Variants in DENND5B observed in about 807,000 individuals in gnomAD.
DENND5B encodes DENN domain-containing protein 5B.
Under a neutral mutation model 140.6 loss-of-function variants are expected in DENND5B, and 34 were observed. The ratio of observed to expected loss-of-function variants is 0.24; its 90% CI spans 0.18 to 0.32. DENND5B has a LOEUF of 0.32. Among genes scored for constraint, DENND5B ranks in the 10% least tolerant of loss-of-function variants. The pLI, the probability that DENND5B is intolerant of heterozygous loss-of-function variation, is 1.00. For missense variants in DENND5B, 1,142 were observed against 1,560.2 expected (o/e 0.73, Z 4.52); for synonymous variants, 551 against 562.1 (o/e 0.98, Z 0.28).
chr12:31,584,808 CAG>C (rs1329629979), intron 1 of DENND5B, among the ~76,000 whole-genome samples: 1 of 151,964 alleles, frequency 6.6e-6, no homozygotes, highest in Admixed American at 6.6e-5. Context: ...GCCTGGGTAA[CAG>C]AGACTCTGTC....
At chr12:31,511,762 A>C (rs1020067209) in intron 1 of DENND5B, among the ~76,000 whole-genome samples, 1 of 152,106 alleles carries the variant, frequency 6.6e-6, no homozygotes, top group Non-Finnish European at 1.5e-5. Flanking sequence ...AAATGGATAG[A>C]TGAATAAAAA....
intron 1 of DENND5B, among the ~76,000 whole-genome samples, chr12:31,577,364 A>G (rs1349905470): frequency 6.6e-6 from 1 of 152,190 alleles, no homozygotes; most frequent in Non-Finnish European, 1.5e-5. Context: ...TTTCATCAGA[A>G]GGTCTCTGGG....
chr12:31,493,587 GGGAGGCTGAA>G (rs1257106111), intron 2 of DENND5B, among the ~76,000 whole-genome samples: 1 of 152,040 alleles, frequency 6.6e-6, no homozygotes. Flanking sequence ...CCAGCATTCT[GGGAGGCTGAA>G]GGAGGGCAGA....
Position 31,448,387 on chromosome 12 carries a change from G to A in DENND5B, c.1630-618C>T, listed in dbSNP as rs192777325. Among the ~76,000 whole-genome samples the A allele has an allele frequency of 9.9e-3, 1,511 of 151,880 alleles. 24 individuals carry two copies. The highest frequency in any genetic ancestry group is 0.035 in the African/African-American group (1,460 of 41,432). ...CCTGACCTCATGCTCCGCCCGCCTC[G>A]GCCTCCCAAAGTGCTGGGATTACAG... On this transcript the variant is annotated intron_variant, in intron 5 of 20. Coordinates refer to ENST00000389082, the MANE Select transcript of DENND5B (RefSeq NM_144973.4).
Position 31,429,167 on chromosome 12 carries a change from C to T in DENND5B, c.2107-2743G>A, listed in dbSNP as rs566957787. 1.6e-3 allele frequency among the ~76,000 whole-genome samples: 243 copies of T among 152,104 alleles called. 4 individuals are homozygous for T. The highest frequency in any genetic ancestry group is 8.7e-4 in the Non-Finnish European group (59 of 67,970). On this transcript the variant is annotated intron_variant, in intron 8 of 20. Transcript: ENST00000389082. ...GATTACAGGCGTGAGCCACCACGCC[C>T]GGCTGTAATTTTTGTATTTTCAGTA...
At chr12:31,514,992 G>A (rs1319439119) in intron 1 of DENND5B, among the ~76,000 whole-genome samples, 2 of 152,090 alleles carry the variant, frequency 1.3e-5, no homozygotes, top group South Asian at 2.1e-4. Context: ...GCATGGTGGT[G>A]CACACCTGCA....
chr12:31,578,536 G>A lies in DENND5B; in HGVS notation c.127+12170C>T, dbSNP rs1046797210. Among the ~76,000 whole-genome samples the A allele has an allele frequency of 2.0e-5, 3 of 152,176 alleles. No homozygotes were observed. In the South Asian group the frequency reaches 6.2e-4, roughly 32 times the overall value. On this transcript the variant is annotated intron_variant, in intron 1 of 20. Coordinates refer to ENST00000389082, the MANE Select transcript of DENND5B (RefSeq NM_144973.4). ...GGCTATGCACAATTACTGGTTTGAT[G>A]CATATAATGCCACCTTTCTCTCCCA...
At chr12:31,538,021 G>A (rs959403953) in intron 1 of DENND5B, among the ~76,000 whole-genome samples, 1 of 152,084 alleles carries the variant, frequency 6.6e-6, no homozygotes, top group African/African-American at 2.4e-5. Context: ...TATTGTTACA[G>A]CTAAAAAGAG....
At position 31,452,251 on chromosome 12, in the gene DENND5B, T is replaced by C; in HGVS notation, c.1318A>G (p.Asn440Asp). 1 of 1,614,032 alleles carries C rather than the reference T, an allele frequency of 6.2e-7. No homozygotes were observed. Among genetic ancestry groups the C allele is most frequent in the South Asian group, 1.1e-5 (1 of 91,086 alleles). Residue 440 changes from asparagine to aspartate, a missense_variant, in exon 5 of 21, where the codon AAT becomes GAT. By Grantham distance (23) the Asn-to-Asp change is conservative (BLOSUM62 1). Transcript: ENST00000389082. Reference sequence around the variant, plus strand: ...AGTAACTCATACATGCTGATGTTATTAGTACAGACATTGCCGTTCTTTTTG... The same window carrying C: ...AGTAACTCATACATGCTGATGTTATCAGTACAGACATTGCCGTTCTTTTTG... ...NDKKNGNVCT[N>D]NISMYELLKG...
At chr12:31,429,381 T>A (rs1943406111) in intron 8 of DENND5B, among the ~76,000 whole-genome samples, 1 of 152,214 alleles carries the variant, frequency 6.6e-6, no homozygotes, top group African/African-American at 2.4e-5. Flanking sequence ...ATATAAATGG[T>A]CTGAAGGTTA....
chr12:31,561,310 C>T (rs1949466178), intron 1 of DENND5B, among the ~76,000 whole-genome samples: 1 of 152,184 alleles, frequency 6.6e-6, no homozygotes, highest in African/African-American at 2.4e-5. Context: ...TCAAGCATAG[C>T]ATACACAAAT....
chr12:31,401,245 G>A (rs1423009520), intron 15 of DENND5B, among the ~76,000 whole-genome samples: 1 of 152,234 alleles, frequency 6.6e-6, no homozygotes, highest in East Asian at 1.9e-4. Flanking sequence ...TTGTGCAGCA[G>A]AGATGGAAAG....
rs975760029 is a variant in DENND5B at position 31,409,231 on chromosome 12, G to C, written c.2803+32C>G. ...TGCTTTTATTGCATTGGTCACCTCA[G>C]TAACCCTTAACGGTCAATTCTCTAG... On this transcript the variant is annotated intron_variant, in intron 14 of 20. Coordinates refer to ENST00000389082, the MANE Select transcript of DENND5B (RefSeq NM_144973.4). The C allele has an allele frequency of 5.2e-6, 8 of 1,543,168 alleles. No individual in the cohort carries two copies. In the African/African-American group the frequency reaches 1.1e-4, roughly 21 times the overall value.
chr12:31,554,620 A>T (rs1949206941), intron 1 of DENND5B, among the ~76,000 whole-genome samples: 1 of 152,042 alleles, frequency 6.6e-6, no homozygotes, highest in Non-Finnish European at 1.5e-5. Flanking sequence ...GCCTTGCTAG[A>T]TTGGGGAAGT....
intron 1 of DENND5B, among the ~76,000 whole-genome samples, chr12:31,583,144 T>G (rs1046568175): frequency 6.6e-6 from 1 of 151,860 alleles, no homozygotes; most frequent in Non-Finnish European, 1.5e-5. Context: ...ATACAAAAAG[T>G]AGCCAGGTGT....
At chr12:31,484,100 C>A (rs1344390223) in intron 2 of DENND5B, among the ~76,000 whole-genome samples, 1 of 151,836 alleles carries the variant, frequency 6.6e-6, no homozygotes, top group East Asian at 1.9e-4. Context: ...GTGATCTGCC[C>A]GCCTTGGCCT....
Position 31,545,336 on chromosome 12 carries a change from G to A in DENND5B, c.127+45370C>T, listed in dbSNP as rs562022043. Among the ~76,000 whole-genome samples the A allele has an allele frequency of 3.9e-5, 6 of 152,042 alleles. No homozygotes were observed. The South Asian group carries it at 6.2e-4, about 16-fold the overall frequency. ...AGGTTTGGGGTACAAATGTTCCCAC[G>A]TCACCCAAGTATTGAATATAATACC... On this transcript the variant is annotated intron_variant, in intron 1 of 20. Coordinates refer to ENST00000389082, the MANE Select transcript of DENND5B (RefSeq NM_144973.4).
intron 1 of DENND5B, among the ~76,000 whole-genome samples, chr12:31,582,122 C>A (rs1950227774): frequency 6.6e-6 from 1 of 152,228 alleles, no homozygotes; most frequent in South Asian, 2.1e-4. Flanking sequence ...AACCCACACA[C>A]ATGGAGGGCT....
intron 7 of DENND5B, among the ~76,000 whole-genome samples, chr12:31,434,555 G>A (rs908567826): frequency 6.6e-6 from 1 of 152,092 alleles, no homozygotes; most frequent in Non-Finnish European, 1.5e-5. Context: ...AATATATAAT[G>A]TTTCCCTTAT....
Sources: gnomAD v4.1 joint callset for allele counts (sites outside exome capture counted in the v4.1 genomes callset) on GRCh38, gnomAD v4.1.1 for gene constraint, MANE v1.5 for transcripts, NCBI Gene and HGNC (gene_info 2026-07-23, HGNC 2026-07-21) for gene names.